The following STXBP5L variants were observed in gnomAD, a reference collection of about 807,000 sequenced individuals.
STXBP5L encodes the protein syntaxin-binding protein 5-like.
STXBP5L carries 65 observed loss-of-function variants against 144.5 expected under a neutral mutation model. The ratio of observed to expected loss-of-function variants is 0.45; its 90% CI spans 0.37 to 0.55. The LOEUF is 0.55. STXBP5L is among the 20% of genes least tolerant of loss of function. The pLI, the probability that STXBP5L is intolerant of heterozygous loss-of-function variation, is 0.00. For missense variants in STXBP5L, 1,298 were observed against 1,405.5 expected (o/e 0.92, Z 1.22); for synonymous variants, 505 against 469.6 (o/e 1.08, Z -0.97).
chr3:121,019,173 AT>A (rs1197373091), intron 3 of STXBP5L, among the ~76,000 whole-genome samples: 1 of 152,102 alleles, frequency 6.6e-6, no homozygotes, highest in African/African-American at 2.4e-5. Flanking sequence ...ATGTATCTCC[AT>A]TGGCCTGAAA....
chr3:121,391,545 T>A (rs540514452), intron 22 of STXBP5L, among the ~76,000 whole-genome samples: 1 of 152,326 alleles, frequency 6.6e-6, no homozygotes, highest in African/African-American at 2.4e-5. Context: ...TGGTTTTTGA[T>A]GTTGGTGACC....
chr3:121,002,384 C>G (rs768284012), intron 3 of STXBP5L, among the ~76,000 whole-genome samples: 39 of 152,022 alleles, frequency 2.6e-4, no homozygotes, highest in Admixed American at 1.2e-3. Flanking sequence ...GTCATTTGCC[C>G]ATTTTAAAAT....
chr3:121,068,095 C>CA (rs1289925718), intron 5 of STXBP5L, among the ~76,000 whole-genome samples: 2 of 152,196 alleles, frequency 1.3e-5, no homozygotes, highest in African/African-American at 4.8e-5. Flanking sequence ...CTGCAACCTC[C>CA]ACGCCCTGGG....
At chr3:121,348,592 T>G (rs1194204354) in intron 20 of STXBP5L, among the ~76,000 whole-genome samples, 1 of 152,070 alleles carries the variant, frequency 6.6e-6, no homozygotes, top group Non-Finnish European at 1.5e-5. Context: ...GGTCCTAGAC[T>G]TTTTTTGGTT....
chr3:121,193,826 G>A (rs1435979697), intron 9 of STXBP5L, among the ~76,000 whole-genome samples: 5 of 152,066 alleles, frequency 3.3e-5, no homozygotes, highest in Non-Finnish European at 5.9e-5. Flanking sequence ...CCTGTCATGG[G>A]GTAGGGGTCA....
At chr3:121,069,895 G>A (rs566710888) in intron 5 of STXBP5L, among the ~76,000 whole-genome samples, 53 of 152,142 alleles carry the variant, frequency 3.5e-4, no homozygotes, top group African/African-American at 1.2e-3. Context: ...TCGAAACTCC[G>A]TCGGATGCTG....
At chr3:121,229,424 T>C (rs924090377) in intron 11 of STXBP5L, among the ~76,000 whole-genome samples, 1 of 152,186 alleles carries the variant, frequency 6.6e-6, no homozygotes, top group Admixed American at 6.5e-5. Context: ...ATATACAGAA[T>C]TATATATCAA....
rs745826307 is a variant in STXBP5L, at chr3:121,381,401, G to A, written c.2456G>A (p.Arg819Gln). The A allele has an allele frequency of 1.5e-5, 24 of 1,610,186 alleles. No homozygotes were observed. The highest frequency in any genetic ancestry group is 3.3e-5 in the South Asian group (3 of 90,424). ...CTATACTTCATGGACTCCTTTGCAC[G>A]GAAAAATGACTCTACCATCTCTCCT... ...TALYFMDSFARKNDSTISPCL... is the reference protein window; with the variant it reads ...TALYFMDSFAQKNDSTISPCL... Residue 819 changes from arginine to glutamine, a missense_variant, in exon 22 of 27, where the codon CGG (arginine) becomes CAG (glutamine). Transcript: ENST00000471454.
Position 121,423,587 on chromosome 3 carries a change from C to G in STXBP5L, c.*4490C>G, listed in dbSNP as rs549106358. On this transcript the variant is annotated 3_prime_UTR_variant, in exon 27 of 27. Transcript: ENST00000471454. ...ATTTATCTAGAGGAGTGATTCTCAA[C>G]CTTGACTGTACATAAGAATCACCTC... 4.6e-5 allele frequency: 7 copies of G among 152,252 alleles called. No homozygotes were observed. The highest frequency in any genetic ancestry group is 4.6e-4 in the Admixed American group (7 of 15,290). The allele number at this position is 152,252 out of a possible 1,614,324, so 9.4% of individuals were successfully genotyped here. A position where few individuals can be genotyped will look rare whatever the true frequency, so the allele number is the denominator to read the frequency against.
chr3:121,018,648 A>T (rs2108194504), intron 3 of STXBP5L, among the ~76,000 whole-genome samples: 1 of 152,308 alleles, frequency 6.6e-6, no homozygotes. Context: ...ATAACAGAAG[A>T]AAACCTAGGT....
At chr3:121,042,237 T>A (rs1576752612) in intron 4 of STXBP5L, among the ~76,000 whole-genome samples, 2 of 152,308 alleles carry the variant, frequency 1.3e-5, no homozygotes, top group East Asian at 3.9e-4. Context: ...GGAATAGATA[T>A]GCATTTGTAG....
At chr3:121,261,990 C>T (rs2050397204) in intron 18 of STXBP5L, among the ~76,000 whole-genome samples, 1 of 152,190 alleles carries the variant, frequency 6.6e-6, no homozygotes, top group African/African-American at 2.4e-5. Flanking sequence ...CTGCTTTGCT[C>T]TCTGCTTCAA....
At chr3:121,385,037 AT>A (rs2046396712) in intron 22 of STXBP5L, among the ~76,000 whole-genome samples, 1 of 152,054 alleles carries the variant, frequency 6.6e-6, no homozygotes, top group Non-Finnish European at 1.5e-5. Flanking sequence ...ATGTGTATAT[AT>A]AAAATATATA....
intron 19 of STXBP5L, among the ~76,000 whole-genome samples, chr3:121,303,616 T>C (rs1321245762): frequency 6.6e-6 from 1 of 152,124 alleles, no homozygotes; most frequent in Non-Finnish European, 1.5e-5. Context: ...TAGCAAAGAC[T>C]TGGAACCAAC....
intron 10 of STXBP5L, among the ~76,000 whole-genome samples, chr3:121,214,476 A>G (rs1021180499): frequency 3.3e-5 from 5 of 152,316 alleles, no homozygotes; most frequent in African/African-American, 4.8e-5. Context: ...CCCAGTTGTC[A>G]TTCAGGAGAA....
chr3:120,927,714 T>A, intron 2 of STXBP5L, among the ~76,000 whole-genome samples: 1 of 152,276 alleles, frequency 6.6e-6, no homozygotes, highest in South Asian at 2.1e-4. Flanking sequence ...AGAAGCTGAC[T>A]TGTTCTTATA....
At chr3:121,183,062 G>C (rs1437981101) in intron 9 of STXBP5L, among the ~76,000 whole-genome samples, 1 of 152,020 alleles carries the variant, frequency 6.6e-6, no homozygotes, top group African/African-American at 2.4e-5. Flanking sequence ...ACAAAAATTG[G>C]TGGGGAAAAA....
intron 20 of STXBP5L, among the ~76,000 whole-genome samples, chr3:121,339,990 C>T (rs1576216608): frequency 6.6e-6 from 1 of 151,928 alleles, no homozygotes; most frequent in Non-Finnish European, 1.5e-5. Context: ...TCAAAGGAAG[C>T]TTCATATTCA....
chr3:121,249,224 G>A (rs545455361), intron 14 of STXBP5L, among the ~76,000 whole-genome samples: 1 of 152,042 alleles, frequency 6.6e-6, no homozygotes, highest in South Asian at 2.1e-4. Flanking sequence ...ATTGCTTTGG[G>A]CGTATGACCA....
Sources: gnomAD v4.1 joint callset for allele counts (sites outside exome capture counted in the v4.1 genomes callset) on GRCh38, gnomAD v4.1.1 for gene constraint, MANE v1.5 for transcripts, NCBI Gene and HGNC (gene_info 2026-07-23, HGNC 2026-07-21) for gene names.